Variants in VRK2 observed in about 807,000 individuals in gnomAD.
The protein encoded by VRK2 is serine/threonine-protein kinase VRK2.
Under a neutral mutation model 57.6 loss-of-function variants are expected in VRK2, and 60 were observed. The observed-to-expected ratio is 1.04, with a 90% confidence interval of 0.85 to 1.29. The LOEUF is 1.29. Among genes scored for constraint, VRK2 ranks in the 50% most tolerant of loss-of-function variants. VRK2 has a pLI of 0.00. For missense variants in VRK2, 705 were observed against 588.1 expected (o/e 1.20, Z -2.06); for synonymous variants, 231 against 199.2 (o/e 1.16, Z -1.35).
At chr2:58,125,741 T>G (rs1678243715) in intron 8 of VRK2, among the ~76,000 whole-genome samples, 2 of 152,218 alleles carry the variant, frequency 1.3e-5, no homozygotes, top group East Asian at 3.9e-4. Context: ...ACACATTACA[T>G]ATATATGCAC....
chr2:58,074,025 T>C (rs555712510), intron 2 of VRK2, among the ~76,000 whole-genome samples: 2 of 152,232 alleles, frequency 1.3e-5, no homozygotes, highest in East Asian at 1.9e-4. Flanking sequence ...CCCGGATAAA[T>C]ACTTTCTATC....
At chr2:58,152,559 C>T (rs2104695787) in intron 12 of VRK2, among the ~76,000 whole-genome samples, 1 of 151,904 alleles carries the variant, frequency 6.6e-6, no homozygotes, top group East Asian at 1.9e-4. Context: ...ATTCTTTATT[C>T]CTTCAATAGA....
At chr2:57,922,454 T>TG (rs368320182) in intron 1 of VRK2, among the ~76,000 whole-genome samples, 3 of 146,958 alleles carry the variant, frequency 2.0e-5, no homozygotes, top group Non-Finnish European at 4.5e-5. Flanking sequence ...AGTTACCTTC[T>TG]TGTGTGTGTG....
At chr2:57,964,669 G>A (rs1012459805) in intron 1 of VRK2, among the ~76,000 whole-genome samples, 1 of 152,084 alleles carries the variant, frequency 6.6e-6, no homozygotes, top group Non-Finnish European at 1.5e-5. Context: ...CGGATCACCT[G>A]AGGTCAGGAG....
intron 10 of VRK2, 46 bp from the exon 11 acceptor site, chr2:58,139,620 T>G (rs757059698): frequency 6.4e-7 from 1 of 1,558,144 alleles, no homozygotes; most frequent in Non-Finnish European, 8.8e-7. Flanking sequence ...GTCTTGACAA[T>G]TCTTGCCAAT....
chr2:57,991,135 A>G (rs1186948948), intron 1 of VRK2, among the ~76,000 whole-genome samples: 1 of 152,194 alleles, frequency 6.6e-6, no homozygotes, highest in Non-Finnish European at 1.5e-5. Context: ...CAGTGAACCC[A>G]TGAGCAGTCT....
intron 1 of VRK2, among the ~76,000 whole-genome samples, chr2:57,954,934 T>C (rs1176144193): frequency 2.0e-5 from 3 of 152,154 alleles, no homozygotes; most frequent in Non-Finnish European, 2.9e-5. Flanking sequence ...ATTATGTAGA[T>C]TATTGGAGAT....
chr2:58,059,064 A>C (rs890383625), intron 2 of VRK2, among the ~76,000 whole-genome samples: 23 of 152,100 alleles, frequency 1.5e-4, no homozygotes, highest in African/African-American at 5.6e-4. Flanking sequence ...TGTCATTTTC[A>C]TTCAGATTGA....
At chr2:57,949,677 G>C (rs2103973867) in intron 1 of VRK2, among the ~76,000 whole-genome samples, 1 of 152,250 alleles carries the variant, frequency 6.6e-6, no homozygotes, top group Non-Finnish European at 1.5e-5. Flanking sequence ...AAGCATTCAA[G>C]TGAAAGGAAG....
chr2:57,960,812 A>T (rs113458097), intron 1 of VRK2, among the ~76,000 whole-genome samples: 2,246 of 152,344 alleles, frequency 0.015, 87 homozygotes, highest in African/African-American at 0.052. Flanking sequence ...AATCTCTTCA[A>T]AATAATTTAT....
At chr2:57,935,665 C>T (rs1277566856) in intron 1 of VRK2, among the ~76,000 whole-genome samples, 2 of 151,254 alleles carry the variant, frequency 1.3e-5, no homozygotes, top group East Asian at 3.9e-4. Context: ...TGCTCTCATT[C>T]TCTCCCAATC....
intron 1 of VRK2, among the ~76,000 whole-genome samples, chr2:58,018,423 T>C (rs908743143): frequency 3.3e-5 from 5 of 152,350 alleles, no homozygotes; most frequent in Middle Eastern, 3.4e-3. Flanking sequence ...GAATCATGTA[T>C]GTGAGTGTTT....
chr2:58,151,232 A>G (rs776395410), intron 12 of VRK2, among the ~76,000 whole-genome samples: 3 of 151,678 alleles, frequency 2.0e-5, no homozygotes, highest in Non-Finnish European at 4.4e-5. Context: ...TTTTGCTTCT[A>G]TACATTTTTG....
At chr2:58,001,628 C>A (rs1026011191) in intron 1 of VRK2, among the ~76,000 whole-genome samples, 1 of 151,978 alleles carries the variant, frequency 6.6e-6, no homozygotes, top group Non-Finnish European at 1.5e-5. Context: ...TTGTGACCAG[C>A]CTGCCCAACT....
At chr2:58,135,651 T>G (rs1306580306) in intron 10 of VRK2, among the ~76,000 whole-genome samples, 1 of 152,120 alleles carries the variant, frequency 6.6e-6, no homozygotes, top group Non-Finnish European at 1.5e-5. Flanking sequence ...AGACCAGAAT[T>G]ATGCTGACTG....
intron 1 of VRK2, among the ~76,000 whole-genome samples, chr2:57,912,226 C>T (rs1300077735): frequency 2.0e-5 from 3 of 152,066 alleles, no homozygotes; most frequent in Non-Finnish European, 2.9e-5. Flanking sequence ...TGGAAAAATC[C>T]TGCAATTTTG....
At chr2:58,021,446 T>C (rs1484669531) in intron 1 of VRK2, among the ~76,000 whole-genome samples, 1 of 152,160 alleles carries the variant, frequency 6.6e-6, no homozygotes, top group East Asian at 1.9e-4. Flanking sequence ...TACTTTAGAA[T>C]TTTTCTTAAT....
At chr2:58,151,499 C>G (rs1683020069) in intron 12 of VRK2, among the ~76,000 whole-genome samples, 1 of 151,490 alleles carries the variant, frequency 6.6e-6, no homozygotes, top group Non-Finnish European at 1.5e-5. Context: ...ATAGTTGAGC[C>G]TCGCTATTTT....
rs148267174 is a variant in VRK2 at position 58,022,682 on chromosome 2, C to T, written c.-438-2983C>T. Among the ~76,000 whole-genome samples the T allele has an allele frequency of 5.4e-3, 819 of 152,236 alleles. 6 individuals carry two copies. Among genetic ancestry groups the T allele is most frequent in the Middle Eastern group, 0.01 (3 of 294 alleles). On this transcript the variant is annotated intron_variant, in intron 1 of 15. Coordinates refer to the VRK2 transcript ENST00000417641. ...CTTGAGCAGAGGAGTTTGAGACCAGCCCAGGCAACATGGCTAAACTTCATC... is the reference window on the plus strand; with the variant it reads ...CTTGAGCAGAGGAGTTTGAGACCAGTCCAGGCAACATGGCTAAACTTCATC...
Sources: allele counts gnomAD v4.1 joint callset (sites outside exome capture counted in the v4.1 genomes callset), GRCh38; gene constraint gnomAD v4.1.1; transcripts MANE v1.5; gene names NCBI Gene and HGNC (gene_info 2026-07-23, HGNC 2026-07-21).